The following CNBD1 variants were observed in gnomAD, a reference collection of about 807,000 sequenced individuals.
CNBD1 encodes the protein cyclic nucleotide binding domain containing 1.
Under a neutral mutation model 54.4 loss-of-function variants are expected in CNBD1, and 71 were observed. The ratio of observed to expected loss-of-function variants is 1.30; its 90% CI spans 1.08 to 1.59. The LOEUF is 1.59. CNBD1 is among the 40% of genes most tolerant of loss of function. The probability of loss-of-function intolerance (pLI) is 0.00; values close to 1 mark genes in which losing one functional copy is unlikely to be tolerated. For missense variants in CNBD1, 659 were observed against 518.0 expected, an observed-to-expected ratio of 1.27 and a Z score of -2.64; for synonymous variants, 182 against 170.7, an observed-to-expected ratio of 1.07 and a Z score of -0.51.
chr8:87,350,354 G>A (rs940910785), intron 8 of CNBD1, among the ~76,000 whole-genome samples: 1 of 151,832 alleles, frequency 6.6e-6, no homozygotes, highest in African/African-American at 2.4e-5. Context: ...TATAAATATT[G>A]AAGTAACTAT....
At chr8:86,992,121 A>G (rs572351933) in intron 4 of CNBD1, among the ~76,000 whole-genome samples, 2 of 152,242 alleles carry the variant, frequency 1.3e-5, no homozygotes, top group South Asian at 4.1e-4. Context: ...GAAGTCTCCC[A>G]CTATTATTGT....
intron 7 of CNBD1, among the ~76,000 whole-genome samples, chr8:87,285,339 C>T (rs1279607456): frequency 6.6e-6 from 1 of 152,122 alleles, no homozygotes; most frequent in African/African-American, 2.4e-5. Flanking sequence ...TTTAAGATAA[C>T]TTCATTTACT....
At chr8:87,217,526 T>G (rs1375391358) in intron 5 of CNBD1, among the ~76,000 whole-genome samples, 1 of 151,766 alleles carries the variant, frequency 6.6e-6, no homozygotes, top group Non-Finnish European at 1.5e-5. Flanking sequence ...AAAATAAGAT[T>G]GCATAACAAT....
At chr8:86,993,690 T>C (rs766309286) in intron 4 of CNBD1, among the ~76,000 whole-genome samples, 14 of 152,230 alleles carry the variant, frequency 9.2e-5, no homozygotes, top group Non-Finnish European at 1.8e-4. Context: ...GGCTGGATTC[T>C]AGCCTTTGGT....
intron 6 of CNBD1, among the ~76,000 whole-genome samples, chr8:87,244,712 A>G (rs117210207): frequency 0.014 from 2,111 of 152,258 alleles, 26 homozygotes; most frequent in Non-Finnish European, 0.023. Flanking sequence ...CCTTTAAGTC[A>G]GGGATCTTAT....
At chr8:87,178,178 T>C (rs1813238654) in intron 4 of CNBD1, among the ~76,000 whole-genome samples, 1 of 152,220 alleles carries the variant, frequency 6.6e-6, no homozygotes, top group African/African-American at 2.4e-5. Flanking sequence ...ATTCTGTGTT[T>C]ATTCCAGTGG....
At chr8:86,949,880 G>T (rs543387387) in intron 4 of CNBD1, among the ~76,000 whole-genome samples, 1 of 145,364 alleles carries the variant, frequency 6.9e-6, no homozygotes, top group East Asian at 2.0e-4. Flanking sequence ...ATGTTGAGAT[G>T]TATTCCTTTT....
At position 86,886,458 on chromosome 8, in the gene CNBD1, T is replaced by C. The variant is rs145734690; in HGVS notation, c.89-1084T>C. Among the ~76,000 whole-genome samples the C allele has an allele frequency of 6.2e-3, 945 of 152,292 alleles. 23 individuals are homozygous for C. Among genetic ancestry groups the C allele is most frequent in the Admixed American group, 0.039 (595 of 15,290 alleles). Reference sequence around the variant, plus strand: ...TATGATTTATATGATATGATATGGATATATATGATATGATATGGATAACAA... The same window carrying C: ...TATGATTTATATGATATGATATGGACATATATGATATGATATGGATAACAA... On this transcript the variant is annotated intron_variant, in intron 1 of 10. Coordinates refer to ENST00000518476, the MANE Select transcript of CNBD1 (RefSeq NM_173538.3).
At chr8:87,266,601 G>A (rs1012906617) in intron 6 of CNBD1, among the ~76,000 whole-genome samples, 24 of 151,414 alleles carry the variant, frequency 1.6e-4, no homozygotes, top group African/African-American at 5.8e-4. Flanking sequence ...ACAGGCGTGT[G>A]CCACCACCCC....
intron 4 of CNBD1, among the ~76,000 whole-genome samples, chr8:87,066,880 C>T (rs1438996128): frequency 6.6e-6 from 1 of 151,810 alleles, no homozygotes; most frequent in Non-Finnish European, 1.5e-5. Context: ...TTATTACAAT[C>T]ACCGATGTAA....
intron 4 of CNBD1, among the ~76,000 whole-genome samples, chr8:87,128,808 G>A (rs1563479357): frequency 6.6e-6 from 1 of 151,366 alleles, no homozygotes; most frequent in Non-Finnish European, 1.5e-5. Context: ...GTTCAGCCGG[G>A]TGCAGTGGCT....
chr8:86,946,676 T>C (rs1224730009), intron 4 of CNBD1, among the ~76,000 whole-genome samples: 1 of 150,592 alleles, frequency 6.6e-6, no homozygotes, highest in Admixed American at 6.7e-5. Context: ...TATGACTCTA[T>C]TGGGAATTTT....
intron 4 of CNBD1, among the ~76,000 whole-genome samples, chr8:87,128,060 G>A (rs190306824): frequency 6.6e-6 from 1 of 152,194 alleles, no homozygotes; most frequent in Non-Finnish European, 1.5e-5. Context: ...AGTTTGGCTG[G>A]GGATAGTCAG....
At chr8:87,241,351 A>G (rs1807993369) in intron 6 of CNBD1, among the ~76,000 whole-genome samples, 1 of 145,016 alleles carries the variant, frequency 6.9e-6, no homozygotes. Context: ...GCTCACTGCA[A>G]GCTCTGCCTC....
intron 2 of CNBD1, among the ~76,000 whole-genome samples, chr8:87,414,860 A>G (rs1166756126): frequency 6.6e-6 from 1 of 152,048 alleles, no homozygotes; most frequent in East Asian, 1.9e-4. Flanking sequence ...TGTTGTTTGA[A>G]TGGAGAATCC....
intron 10 of CNBD1, among the ~76,000 whole-genome samples, chr8:87,354,640 A>C (rs2130930847): frequency 6.6e-6 from 1 of 150,568 alleles, no homozygotes; most frequent in South Asian, 2.1e-4. Context: ...CCCACCTATG[A>C]GTGAGAACAT....
intron 3 of CNBD1, among the ~76,000 whole-genome samples, chr8:86,920,001 T>G (rs923552350): frequency 7.2e-5 from 11 of 151,934 alleles, no homozygotes; most frequent in Non-Finnish European, 1.5e-5. Context: ...TCTTTTTCTT[T>G]CAGAATGTGA....
chr8:87,427,731 T>C (rs16868498), intron 2 of CNBD1, among the ~76,000 whole-genome samples: 2,764 of 152,294 alleles, frequency 0.018, 84 homozygotes, highest in African/African-American at 0.06. Context: ...AAACAAACTC[T>C]TCATTATGTC....
chr8:87,252,516 C>T (rs1248951118), intron 6 of CNBD1, among the ~76,000 whole-genome samples: 3 of 152,120 alleles, frequency 2.0e-5, no homozygotes, highest in African/African-American at 7.2e-5. Context: ...TATTTTTCCA[C>T]TGGTATTTTA....
Sources: gnomAD v4.1 joint callset for allele counts (sites outside exome capture counted in the v4.1 genomes callset) on GRCh38, gnomAD v4.1.1 for gene constraint, MANE v1.5 for transcripts, NCBI Gene and HGNC (gene_info 2026-07-23, HGNC 2026-07-21) for gene names.